Variants in NRXN3 observed in about 807,000 individuals in gnomAD.
NRXN3 encodes the protein neurexin 3, also known as neurexin III.
Under a neutral mutation model 137.6 loss-of-function variants are expected in NRXN3, and 32 were observed. The observed-to-expected ratio is 0.23, with a 90% CI of 0.18 to 0.31. NRXN3 has a LOEUF of 0.31. Among genes scored for constraint, NRXN3 ranks in the 10% least tolerant of loss-of-function variants. NRXN3 has a pLI of 1.00. For missense variants in NRXN3, 1,574 were observed against 2,062.5 expected (o/e 0.76, Z 4.59); for synonymous variants, 798 against 784.5 (o/e 1.02, Z -0.29).
At chr14:78,298,319 C>T (rs2076557260) in intron 4 of NRXN3, among the ~76,000 whole-genome samples, 2 of 152,218 alleles carry the variant, frequency 1.3e-5, no homozygotes. Context: ...CATTACACTG[C>T]CCGTAATGAT....
At chr14:79,502,733 C>G (rs1430344669) in intron 16 of NRXN3, among the ~76,000 whole-genome samples, 1 of 152,034 alleles carries the variant, frequency 6.6e-6, no homozygotes, top group Non-Finnish European at 1.5e-5. Flanking sequence ...GGGACTAGAC[C>G]TTTGTTTCCC....
Position 79,516,279 on chromosome 14 carries a change from A to G in NRXN3, c.3444+48877A>G, listed in dbSNP as rs2096983460. On this transcript the variant is annotated intron_variant, in intron 16 of 20. Transcript: ENST00000335750. ...AATGGCAATAAGCCACTTGAATTAG[A>G]AGGCCCCCAGCTTGCAGCAGAGTTA... Among the ~76,000 whole-genome samples the G allele has an allele frequency of 5.3e-5, 8 of 152,180 alleles. No individual in the cohort carries two copies. The South Asian group carries it at 1.7e-3, about 32-fold the overall frequency.
At position 78,365,463 on chromosome 14, in the gene NRXN3, A is replaced by G. The variant is rs79496795; in HGVS notation, c.757+67603A>G. Reference sequence around the variant, plus strand: ...CATGCCTCCAGCTGACAAATGAAAAAACAGAATGTGGAAGATAAGGTTTTG... The same window carrying G: ...CATGCCTCCAGCTGACAAATGAAAAGACAGAATGTGGAAGATAAGGTTTTG... On this transcript the variant is annotated intron_variant, in intron 4 of 20. Coordinates refer to ENST00000335750, the MANE Select transcript of NRXN3 (RefSeq NM_001330195.2). Among the ~76,000 whole-genome samples, 1,240 of 152,272 alleles carry G rather than the reference A, an allele frequency of 8.1e-3. 39 individuals carry two copies. The East Asian group carries it at 0.084, about 10-fold the overall frequency.
intron 6 of NRXN3, among the ~76,000 whole-genome samples, chr14:78,707,579 A>G (rs2098365662): frequency 6.6e-6 from 1 of 152,160 alleles, no homozygotes; most frequent in South Asian, 2.1e-4. Context: ...CCCATAGGTT[A>G]TTGGGGTTCA....
chr14:78,562,231 T>C (rs1388234499), intron 4 of NRXN3, among the ~76,000 whole-genome samples: 1 of 151,840 alleles, frequency 6.6e-6, no homozygotes, highest in African/African-American at 2.4e-5. Context: ...ACCCAGTCTT[T>C]ACTAAAAATA....
At chr14:79,338,307 A>G (rs1360805489) in intron 15 of NRXN3, among the ~76,000 whole-genome samples, 1 of 151,880 alleles carries the variant, frequency 6.6e-6, no homozygotes, top group Non-Finnish European at 1.5e-5. Context: ...GGGAAATCCT[A>G]GTTCCACCTA....
chr14:78,715,038 A>G lies in NRXN3; in HGVS notation c.1943A>G (p.Asp648Gly). The change falls in exon 8 of 21, where the codon GAC becomes GGC. Residue 648 changes from aspartate (D) to glycine (G), a missense_variant. Asp to Gly is a moderately conservative substitution (Grantham distance 94). Around this residue, in one of 5 missense-constraint regions of NRXN3, gnomAD observed 718 missense variants for 887.6 expected, o/e 0.81. Coordinates refer to ENST00000335750, the MANE Select transcript of NRXN3 (RefSeq NM_001330195.2). The stretch of plus-strand genomic sequence containing the variant: ...TCACGGATGAGTGCCAAGCAGTGTG[A>G]CAGCTACCCCTGCAAGAATAATGCT... ...SCSRMSAKQC[D>G]SYPCKNNAVC... is the part of the protein sequence containing the mutation. 1.9e-6 allele frequency: 3 copies of G among 1,613,964 alleles called. No homozygotes were observed. Among genetic ancestry groups the G allele is most frequent in the Non-Finnish European group, 1.7e-6 (2 of 1,180,018 alleles).
At chr14:79,082,558 G>C (rs931252242) in intron 15 of NRXN3, among the ~76,000 whole-genome samples, 1 of 152,122 alleles carries the variant, frequency 6.6e-6, no homozygotes, top group Non-Finnish European at 1.5e-5. Context: ...AACTAAAAGA[G>C]ATGTTACAGA....
intron 10 of NRXN3, among the ~76,000 whole-genome samples, chr14:78,887,538 T>C (rs1048433229): frequency 3.8e-4 from 58 of 152,180 alleles, no homozygotes; most frequent in Non-Finnish European, 5.6e-4. Context: ...CTGATTTTTT[T>C]CCCCCAGTAT....
At chr14:78,490,423 G>T (rs1454110128) in intron 4 of NRXN3, among the ~76,000 whole-genome samples, 2 of 152,098 alleles carry the variant, frequency 1.3e-5, no homozygotes, top group Non-Finnish European at 2.9e-5. Context: ...TGAATATGCT[G>T]AAGAGCCAGA....
chr14:78,355,767 T>C (rs1259370667), intron 4 of NRXN3, among the ~76,000 whole-genome samples: 1 of 152,204 alleles, frequency 6.6e-6, no homozygotes, highest in African/African-American at 2.4e-5. Context: ...ATGCTTTTCC[T>C]TTTCTCCTTT....
At chr14:78,951,348 A>G (rs937189427) in intron 10 of NRXN3, among the ~76,000 whole-genome samples, 10 of 152,126 alleles carry the variant, frequency 6.6e-5, no homozygotes, top group African/African-American at 1.2e-4. Context: ...GACTCTGCCT[A>G]CATCACCAGC....
At chr14:79,492,135 C>A (rs1174272425) in intron 16 of NRXN3, among the ~76,000 whole-genome samples, 2 of 152,002 alleles carry the variant, frequency 1.3e-5, no homozygotes, top group East Asian at 3.9e-4. Context: ...GAATGAATAT[C>A]CAGATTTCTC....
intron 4 of NRXN3, among the ~76,000 whole-genome samples, chr14:78,436,285 C>T (rs2094063013): frequency 6.6e-6 from 1 of 152,152 alleles, no homozygotes; most frequent in Non-Finnish European, 1.5e-5. Context: ...CCAACCGCCC[C>T]CGTAATAATA....
chr14:78,621,071 G>A (rs896559071), intron 4 of NRXN3, among the ~76,000 whole-genome samples: 1 of 152,188 alleles, frequency 6.6e-6, no homozygotes, highest in African/African-American at 2.4e-5. Context: ...AATATGGGCT[G>A]GGGTGAAGAT....
At chr14:78,850,559 T>C (rs913117044) in intron 10 of NRXN3, among the ~76,000 whole-genome samples, 1 of 152,202 alleles carries the variant, frequency 6.6e-6, no homozygotes, top group African/African-American at 2.4e-5. Context: ...AATATTCTTA[T>C]TAAAACCAGT....
chr14:78,660,559 G>T (rs1566997895), intron 6 of NRXN3, among the ~76,000 whole-genome samples: 1 of 152,050 alleles, frequency 6.6e-6, no homozygotes, highest in Non-Finnish European at 1.5e-5. Context: ...CCTGCTTTGG[G>T]CTAGAACTTG....
At chr14:79,687,339 C>T (rs1003769897) in intron 17 of NRXN3, among the ~76,000 whole-genome samples, 1 of 152,140 alleles carries the variant, frequency 6.6e-6, no homozygotes, top group African/African-American at 2.4e-5. Flanking sequence ...AAGCCAAGTT[C>T]AGAGTTTCTG....
chr14:78,900,881 A>C (rs1241759215), intron 10 of NRXN3, among the ~76,000 whole-genome samples: 1 of 151,972 alleles, frequency 6.6e-6, no homozygotes. Context: ...TATTCCTCAA[A>C]ATAAGTCAGC....
Sources: allele counts gnomAD v4.1 joint callset (sites outside exome capture counted in the v4.1 genomes callset), GRCh38; gene constraint gnomAD v4.1.1; regional missense constraint gnomAD v4.1.1; transcripts MANE v1.5; gene names NCBI Gene and HGNC (gene_info 2026-07-23, HGNC 2026-07-21).